The following ARHGAP24 variants were observed in gnomAD, a reference collection of about 807,000 sequenced individuals.
The protein encoded by ARHGAP24 is Rho GTPase activating protein 24, also known as rho GTPase-activating protein 24.
Under a neutral mutation model 76.4 loss-of-function variants are expected in ARHGAP24, and 50 were observed. The observed-to-expected ratio is 0.65, with a 90% CI of 0.52 to 0.83. ARHGAP24 has a LOEUF of 0.83. Among genes scored for constraint, ARHGAP24 ranks in the 40% least tolerant of loss-of-function variants. ARHGAP24 has a pLI of 0.00. For missense variants in ARHGAP24, 930 were observed against 914.2 expected, an observed-to-expected ratio of 1.02 and a Z score of -0.22; for synonymous variants, 345 against 323.3, an observed-to-expected ratio of 1.07 and a Z score of -0.72.
rs555144876 is a variant in ARHGAP24, at chr4:85,580,509, G to A, written c.180+9788G>A. ...GGACCCACTTTTCATTATTTCACAT[G>A]AACTCACTAGAAATCCATACATGGT... On this transcript the variant is annotated intron_variant, in intron 2 of 9. Transcript: ENST00000395184. Among the ~76,000 whole-genome samples, 20 of 152,202 alleles carry A rather than the reference G, an allele frequency of 1.3e-4. 1 individual carries two copies. The South Asian group carries it at 4.1e-3, about 32-fold the overall frequency.
In ARHGAP24 at chr4:85,995,304, T is replaced by C; in HGVS notation, c.1650T>C (p.Ile550=). The change falls in exon 9 of 10, where the codon ATT becomes ATC. Residue 550 remains isoleucine, a synonymous_variant. Transcript: ENST00000395184. The part of the protein sequence containing the change: ...SMMNLDDKQS[I]DSATWSTSSC... ...TGAACCTTGATGACAAGCAGAGCAT[T>C]GACAGTGCTACCTGGTCCACTTCCT... is the stretch of plus-strand genomic sequence containing the variant. The C allele has an allele frequency of 6.2e-7, 1 of 1,614,054 alleles. No homozygotes were observed. Among genetic ancestry groups the C allele is most frequent in the Non-Finnish European group, 8.5e-7 (1 of 1,180,022 alleles).
intron 1 of ARHGAP24, among the ~76,000 whole-genome samples, chr4:85,515,385 G>A (rs1317511926): frequency 8.1e-6 from 1 of 122,800 alleles, no homozygotes; most frequent in Non-Finnish European, 1.8e-5. Flanking sequence ...TTTTTTTTTG[G>A]CATGGGGGGA....
chr4:85,955,938 C>T (rs1480271221), intron 5 of ARHGAP24, among the ~76,000 whole-genome samples: 1 of 152,192 alleles, frequency 6.6e-6, no homozygotes, highest in Non-Finnish European at 1.5e-5. Context: ...ACACCCCTCC[C>T]TCTTTACACT....
chr4:85,666,393 G>A (rs950440470), intron 2 of ARHGAP24, among the ~76,000 whole-genome samples: 1 of 152,002 alleles, frequency 6.6e-6, no homozygotes, highest in African/African-American at 2.4e-5. Context: ...TTATACATTT[G>A]TCTAAATTTT....
chr4:85,690,853 T>A (rs932950274), intron 2 of ARHGAP24, among the ~76,000 whole-genome samples: 9 of 152,010 alleles, frequency 5.9e-5, no homozygotes, highest in Admixed American at 2.6e-4. Flanking sequence ...CTTCTCTAAT[T>A]TTAGTTATTT....
intron 3 of ARHGAP24, among the ~76,000 whole-genome samples, chr4:85,873,517 T>C (rs1362422539): frequency 1.3e-5 from 2 of 152,174 alleles, no homozygotes; most frequent in African/African-American, 2.4e-5. Context: ...GACATGGTGC[T>C]CCATAGCAGG....
intron 5 of ARHGAP24, among the ~76,000 whole-genome samples, chr4:85,971,182 T>G (rs1331580643): frequency 6.6e-6 from 1 of 152,304 alleles, no homozygotes; most frequent in African/African-American, 2.4e-5. Flanking sequence ...TGTTAAAAAT[T>G]TATAGCATGT....
At chr4:85,973,323 A>G (rs1227521031) in intron 6 of ARHGAP24, among the ~76,000 whole-genome samples, 1 of 152,136 alleles carries the variant, frequency 6.6e-6, no homozygotes, top group Non-Finnish European at 1.5e-5. Flanking sequence ...ATATTAGTAT[A>G]TTGCCTTTGA....
At chr4:85,658,650 C>T (rs114411762) in intron 2 of ARHGAP24, among the ~76,000 whole-genome samples, 395 of 152,248 alleles carry the variant, frequency 2.6e-3, no homozygotes, top group African/African-American at 9.0e-3. Flanking sequence ...AATTTTACCA[C>T]GACTGTCTTC....
At chr4:85,856,948 T>G (rs1021918186) in intron 3 of ARHGAP24, among the ~76,000 whole-genome samples, 2 of 152,204 alleles carry the variant, frequency 1.3e-5, no homozygotes, top group Non-Finnish European at 2.9e-5. Context: ...TTTTTTAATT[T>G]AACATATCAT....
At chr4:85,598,631 A>G (rs1720834581) in intron 2 of ARHGAP24, among the ~76,000 whole-genome samples, 1 of 152,044 alleles carries the variant, frequency 6.6e-6, no homozygotes, top group Non-Finnish European at 1.5e-5. Flanking sequence ...GTTGGATCTC[A>G]TATAGTGTTA....
At chr4:85,907,912 AT>A (rs975481600) in intron 3 of ARHGAP24, among the ~76,000 whole-genome samples, 32 of 152,190 alleles carry the variant, frequency 2.1e-4, no homozygotes, top group Admixed American at 5.9e-4. Flanking sequence ...AGGTGGCAAT[AT>A]ACAGGAAGAG....
chr4:85,669,748 T>G (rs1037246629), intron 2 of ARHGAP24, among the ~76,000 whole-genome samples: 2 of 148,328 alleles, frequency 1.3e-5, no homozygotes, highest in Admixed American at 6.7e-5. Flanking sequence ...AGTTTCAATC[T>G]AATCATATAT....
chr4:85,968,657 G>A (rs28615401), intron 5 of ARHGAP24, among the ~76,000 whole-genome samples: 1,975 of 152,096 alleles, frequency 0.013, 40 homozygotes, highest in African/African-American at 0.045. Context: ...TAGGACATGT[G>A]ACTGAGAACC....
chr4:85,759,165 C>G (rs7675688), intron 3 of ARHGAP24, among the ~76,000 whole-genome samples: 22,571 of 152,034 alleles, frequency 0.15, 2,163 homozygotes, highest in East Asian at 0.37. Context: ...TAGTTTTTCC[C>G]TATGTATCAT....
intron 2 of ARHGAP24, among the ~76,000 whole-genome samples, chr4:85,661,386 A>G (rs75591404): frequency 0.024 from 3,655 of 152,264 alleles, 143 homozygotes; most frequent in African/African-American, 0.083. Flanking sequence ...GCTCAAATCT[A>G]TTACAGTTTG....
At chr4:85,610,238 T>A (rs1265268665) in intron 2 of ARHGAP24, among the ~76,000 whole-genome samples, 2 of 151,670 alleles carry the variant, frequency 1.3e-5, no homozygotes, top group East Asian at 3.9e-4. Flanking sequence ...GGTCAGGAGA[T>A]TGAGACCATC....
intron 3 of ARHGAP24, among the ~76,000 whole-genome samples, chr4:85,838,922 C>T (rs996269575): frequency 6.6e-6 from 1 of 152,222 alleles, no homozygotes; most frequent in African/African-American, 2.4e-5. Flanking sequence ...CTGAGCCCCT[C>T]ACCTTTATTT....
At chr4:85,832,858 T>C (rs1730064409) in intron 3 of ARHGAP24, among the ~76,000 whole-genome samples, 8 of 152,042 alleles carry the variant, frequency 5.3e-5, no homozygotes, top group Admixed American at 4.6e-4. Flanking sequence ...TGGGCAGGGG[T>C]AGAAATAGTG....
Sources: gnomAD v4.1 joint callset for allele counts (sites outside exome capture counted in the v4.1 genomes callset) on GRCh38, gnomAD v4.1.1 for gene constraint, MANE v1.5 for transcripts, NCBI Gene and HGNC (gene_info 2026-07-23, HGNC 2026-07-21) for gene names.